Variants in TSBP1 observed in about 807,000 individuals in gnomAD.
TSBP1 encodes the protein testis expressed basic protein 1.
In TSBP1, 56 loss-of-function variants were observed where a neutral mutation model predicts 68.8. The observed-to-expected ratio is 0.81, with a 90% CI of 0.66 to 1.02. The LOEUF (loss-of-function observed/expected upper bound fraction) is 1.02. TSBP1 is among the 50% of genes least tolerant of loss of function. TSBP1 has a pLI of 0.00. For synonymous variants in TSBP1, 171 were observed against 208.7 expected, an observed-to-expected ratio of 0.82 and a Z score of 1.56; for missense variants, 502 against 641.2, an observed-to-expected ratio of 0.78 and a Z score of 2.34.
At chr6:32,345,149 T>C (rs964100887) in intron 9 of TSBP1, among the ~76,000 whole-genome samples, 2 of 151,354 alleles carry the variant, frequency 1.3e-5, no homozygotes, top group Admixed American at 6.6e-5. Flanking sequence ...GCCACCATGC[T>C]TGGCCCTTAG....
rs1767582431 is a variant in TSBP1, at chr6:32,321,067, T to G, written c.559+2050A>C. On this transcript the variant is annotated intron_variant, in intron 18 of 22. Coordinates refer to ENST00000612031, the Ensembl canonical transcript of TSBP1. This position sits in a 1 kb window ranked among gnomAD's most constrained non-coding sequence, Gnocchi z 4.3. Reference sequence around the variant, plus strand: ...TCCATGGTGTATATGTATCACATTTTCTTTATTCAGTCTACCATTGATGGG... The same window carrying G: ...TCCATGGTGTATATGTATCACATTTGCTTTATTCAGTCTACCATTGATGGG... 6.6e-6 allele frequency among the ~76,000 whole-genome samples: 1 copy of G among 152,252 alleles called. No homozygotes were observed. Among genetic ancestry groups the G allele is most frequent in the Non-Finnish European group, 1.5e-5 (1 of 68,050 alleles).
At chr6:32,324,944 C>T (rs1396814955) in intron 16 of TSBP1, among the ~76,000 whole-genome samples, 1 of 151,822 alleles carries the variant, frequency 6.6e-6, no homozygotes, top group Non-Finnish European at 1.5e-5. Context: ...ATAAGTGCAC[C>T]ACAGAGAAAC....
At chr6:32,320,704 T>C (rs1704044140) in intron 18 of TSBP1, among the ~76,000 whole-genome samples, 1 of 152,190 alleles carries the variant, frequency 6.6e-6, no homozygotes, top group Admixed American at 6.5e-5. Context: ...TTTTTAAACT[T>C]TTATTTTAAA....
At chr6:32,370,736 G>A (rs1164250947) in intron 1 of TSBP1, among the ~76,000 whole-genome samples, 1 of 151,918 alleles carries the variant, frequency 6.6e-6, no homozygotes, top group Admixed American at 6.6e-5. Context: ...ATGTGTCATT[G>A]ATCTGCATTC....
In TSBP1 at chr6:32,321,982, C is replaced by T. The variant is rs145147529; in HGVS notation, c.559+1135G>A. Among the ~76,000 whole-genome samples the T allele has an allele frequency of 7.9e-3, 1,207 of 152,308 alleles. 12 individuals carry two copies. The highest frequency in any genetic ancestry group is 0.02 in the Middle Eastern group (6 of 294). On this transcript the variant is annotated intron_variant, in intron 18 of 22. Transcript: ENST00000612031. The surrounding 1 kb of genome is among the most constrained non-coding windows in gnomAD (Gnocchi z 4.3). Reference sequence around the variant, plus strand: ...CTATATGTGTCCTCCCAGTTTTACACAGTTCCCAGGAGATTCACCTCATCT... The same window carrying T: ...CTATATGTGTCCTCCCAGTTTTACATAGTTCCCAGGAGATTCACCTCATCT...
At position 32,338,037 on chromosome 6, in the gene TSBP1, C is replaced by A. The variant is rs117892681; in HGVS notation, c.409+942G>T. ...GAAATGTGTTAAGAAGTGAATGAAA[C>A]CCTGATGAGTTTCATCTTTCTTGTC... On this transcript the variant is annotated intron_variant, in intron 11 of 22. Coordinates refer to ENST00000612031, the Ensembl canonical transcript of TSBP1. The surrounding 1 kb of genome is among the most constrained non-coding windows in gnomAD (Gnocchi z 5.5). Among the ~76,000 whole-genome samples the A allele has an allele frequency of 2.4e-3, 369 of 152,274 alleles. 14 individuals carry two copies. In the East Asian group the frequency reaches 0.063, roughly 26 times the overall value.
At chr6:32,355,587 C>T in intron 7 of TSBP1, 62 bp downstream of exon 7, 1 of 1,570,836 alleles carries the variant, frequency 6.4e-7, no homozygotes, top group Admixed American at 1.8e-5. Flanking sequence ...AAAGCATTTA[C>T]AATCTAGGGA....
chr6:32,308,896 C>T (rs1359710655), intron 19 of TSBP1, among the ~76,000 whole-genome samples: 1 of 150,892 alleles, frequency 6.6e-6, no homozygotes, highest in Admixed American at 6.6e-5. Context: ...TAGGTCTACT[C>T]ATTTTAAAGC....
At chr6:32,371,592 G>C in intron 1 of TSBP1, 102 bp downstream of exon 1, 1 of 852,878 alleles carries the variant, frequency 1.2e-6, no homozygotes. Context: ...AAGGAAGCAG[G>C]CAAGGAAGAT....
intron 9 of TSBP1, among the ~76,000 whole-genome samples, chr6:32,347,128 CA>C (rs1188878883): frequency 6.6e-6 from 1 of 150,998 alleles, no homozygotes; most frequent in African/African-American, 2.4e-5. Context: ...AAAATTATAA[CA>C]TTTTTAAAAA....
intron 17 of TSBP1, 114 bp downstream of exon 18, chr6:32,323,477 G>T: frequency 1.0e-6 from 1 of 978,940 alleles, no homozygotes; most frequent in Non-Finnish European, 1.6e-6. Context: ...GAAGCTTTGA[G>T]TCAGGTAGCT....
In TSBP1 at chr6:32,304,768, A is replaced by T. The variant is rs80273712; in HGVS notation, c.581-2139T>A. ...TTTACAGTACAGAAAGTTTATTTGT[A>T]ATTAAAATGTAGTTGAGTTTAGCAC... On this transcript the variant is annotated intron_variant, in intron 19 of 22. Coordinates refer to ENST00000612031, the Ensembl canonical transcript of TSBP1. The surrounding 1 kb of genome is among the most constrained non-coding windows in gnomAD (Gnocchi z 4.8). Among the ~76,000 whole-genome samples the T allele has an allele frequency of 0.016, 2,449 of 152,218 alleles. 67 individuals carry two copies. Among genetic ancestry groups the T allele is most frequent in the East Asian group, 0.042 (219 of 5,182 alleles).
intron 6 of TSBP1, among the ~76,000 whole-genome samples, chr6:32,364,456 G>T (rs201096856): frequency 3.2e-5 from 2 of 62,674 alleles, no homozygotes; most frequent in African/African-American, 3.9e-5. Flanking sequence ...AATTTTAAAT[G>T]ATTGGTCTTT....
chr6:32,293,781 C>A (rs1225351124), exon 23 of TSBP1: 1 of 1,612,754 alleles, frequency 6.2e-7, no homozygotes, highest in African/African-American at 1.3e-5. Context: ...GGTATTCCAG[C>A]GTCACTGTCT....
intron 1 of TSBP1, 48 bp downstream of exon 1, chr6:32,371,646 C>T (rs1272472326): frequency 2.1e-6 from 3 of 1,402,278 alleles, no homozygotes; most frequent in East Asian, 2.3e-5. Context: ...GAGGAGACTC[C>T]TGAACTACTA....
chr6:32,330,448 C>A, intron 16 of TSBP1, 141 bp downstream of exon 17: 3 of 692,988 alleles, frequency 4.3e-6, no homozygotes, highest in South Asian at 5.2e-5. Flanking sequence ...AGGTTGAAAT[C>A]AGGAAGCATA....
chr6:32,365,545 A>G lies in TSBP1; in HGVS notation c.217+622T>C. On this transcript the variant is annotated intron_variant, in intron 6 of 22. Coordinates refer to ENST00000612031, the Ensembl canonical transcript of TSBP1. This position sits in a 1 kb window ranked among gnomAD's most constrained non-coding sequence, Gnocchi z 4.3. ...TGCTCCCAGCCTCTCCTAACCATTCAACTATGCTGATCATCTCAATGTTCT... is the reference window on the plus strand; with the variant it reads ...TGCTCCCAGCCTCTCCTAACCATTCGACTATGCTGATCATCTCAATGTTCT... 1 of 456,472 alleles carries G rather than the reference A, an allele frequency of 2.2e-6. No homozygotes were observed. The highest frequency in any genetic ancestry group is 4.4e-6 in the Non-Finnish European group (1 of 226,854). The allele number at this position is 456,472 out of a possible 1,614,324, so 28.3% of individuals were successfully genotyped here. A position where few individuals can be genotyped will look rare whatever the true frequency, so the allele number is the denominator to read the frequency against.
chr6:32,362,181 C>G (rs1313949504), intron 6 of TSBP1, among the ~76,000 whole-genome samples: 1 of 150,094 alleles, frequency 6.7e-6, no homozygotes, highest in East Asian at 2.0e-4. Flanking sequence ...CCCAGCAACT[C>G]GGGAGGCTGA....
chr6:32,353,445 AATTT>A (rs1346113352), intron 8 of TSBP1, among the ~76,000 whole-genome samples: 4 of 151,948 alleles, frequency 2.6e-5, no homozygotes, highest in Non-Finnish European at 5.9e-5. Flanking sequence ...TATATGAGAA[AATTT>A]GAATAGTAGG....
Sources: gnomAD v4.1 joint callset for allele counts (sites outside exome capture counted in the v4.1 genomes callset) on GRCh38, gnomAD v4.1.1 for gene constraint, Gnocchi (gnomAD v3.1) non-coding constraint, MANE v1.5 for transcripts, NCBI Gene and HGNC (gene_info 2026-07-23, HGNC 2026-07-21) for gene names.